The following FSIP1 variants were observed in gnomAD, a reference collection of about 807,000 sequenced individuals.
FSIP1 encodes fibrous sheath-interacting protein 1.
FSIP1 carries 65 observed loss-of-function variants against 60.9 expected under a neutral mutation model. That is an observed-to-expected ratio of 1.07 (90% CI 0.87 to 1.31). The LOEUF is 1.31. FSIP1 is among the 40% of genes most tolerant of loss of function. FSIP1 has a pLI of 0.00. For missense variants in FSIP1, 675 were observed against 665.5 expected, an observed-to-expected ratio of 1.01 and a Z score of -0.16; for synonymous variants, 209 against 221.2, an observed-to-expected ratio of 0.94 and a Z score of 0.49.
intron 10 of FSIP1, among the ~76,000 whole-genome samples, chr15:39,685,712 T>C (rs189452074): frequency 6.6e-6 from 1 of 152,044 alleles, no homozygotes; most frequent in African/African-American, 2.4e-5. Context: ...GAAAAAAAAA[T>C]TTTTATACAA....
chr15:39,607,370 T>A (rs1383319432), intron 11 of FSIP1, among the ~76,000 whole-genome samples: 1 of 152,200 alleles, frequency 6.6e-6, no homozygotes, highest in African/African-American at 2.4e-5. Flanking sequence ...CTACATTTCA[T>A]TAGCAATAAA....
In FSIP1 at chr15:39,649,020, C is replaced by A. The variant is rs138571370; in HGVS notation, c.1189-30775G>T. 6.6e-5 allele frequency among the ~76,000 whole-genome samples: 10 copies of A among 151,906 alleles called. No individual in the cohort carries two copies. The East Asian group carries it at 1.9e-3, about 29-fold the overall frequency. On this transcript the variant is annotated intron_variant, in intron 10 of 11. Transcript: ENST00000350221. Reference sequence around the variant, plus strand: ...AAAAGGAATGGAAATCTTTATCCAGCCTAAGAGTGAGTGGAAGAGAACTAA... The same window carrying A: ...AAAAGGAATGGAAATCTTTATCCAGACTAAGAGTGAGTGGAAGAGAACTAA...
At chr15:39,669,434 T>A (rs16969527) in intron 10 of FSIP1, among the ~76,000 whole-genome samples, 7,792 of 152,320 alleles carry the variant, frequency 0.051, 225 homozygotes, top group Middle Eastern at 0.088. Context: ...ACCATGACAC[T>A]GTGCTTTCTT....
chr15:39,715,490 T>C (rs544412445), intron 9 of FSIP1, among the ~76,000 whole-genome samples: 5 of 152,162 alleles, frequency 3.3e-5, no homozygotes, highest in African/African-American at 1.2e-4. Context: ...GTAATTTGGG[T>C]TTTCGAAACT....
rs138868919 is a variant in FSIP1, at chr15:39,681,134, A to C, written c.1188+32310T>G. Among the ~76,000 whole-genome samples the C allele has an allele frequency of 6.1e-3, 930 of 152,316 alleles. 12 individuals carry two copies. The highest frequency in any genetic ancestry group is 0.021 in the African/African-American group (883 of 41,578). Reference sequence around the variant, plus strand: ...ATCTTCAGGACTGTGAAGAAGAAAAAAAAAATTGCATCATAGCACAGAAAT... The same window carrying C: ...ATCTTCAGGACTGTGAAGAAGAAAACAAAAATTGCATCATAGCACAGAAAT... On this transcript the variant is annotated intron_variant, in intron 10 of 11. Transcript: ENST00000350221.
intron 10 of FSIP1, among the ~76,000 whole-genome samples, chr15:39,660,550 T>C (rs1354815301): frequency 6.6e-6 from 1 of 152,198 alleles, no homozygotes; most frequent in African/African-American, 2.4e-5. Context: ...TTCAGTAACA[T>C]TAATGCACTT....
intron 5 of FSIP1, among the ~76,000 whole-genome samples, chr15:39,763,037 G>A (rs989332571): frequency 6.6e-6 from 1 of 152,096 alleles, no homozygotes; most frequent in East Asian, 1.9e-4. Flanking sequence ...CATCTCAAAA[G>A]ATAAAGAGTA....
rs925513986 is a variant in FSIP1 at position 39,782,772 on chromosome 15, G to T, written c.-152C>A. 1.3e-5 allele frequency: 2 copies of T among 152,358 alleles called. No individual in the cohort carries two copies. Among genetic ancestry groups the T allele is most frequent in the African/African-American group, 4.8e-5 (2 of 41,446 alleles). 9.4% of individuals were successfully genotyped at this position (152,358 alleles called of 1,614,324 possible). A position where few individuals can be genotyped will look rare whatever the true frequency, so the allele number is the denominator to read the frequency against. On this transcript the variant is annotated 5_prime_UTR_variant, in exon 1 of 12. Coordinates refer to ENST00000350221, the MANE Select transcript of FSIP1 (RefSeq NM_152597.5). Reference sequence around the variant, plus strand: ...CCGCCACCTCAGCCTCTCTGGTAGTGGAAGAAGCCGCCGGTCCAGATCCCT... The same window carrying T: ...CCGCCACCTCAGCCTCTCTGGTAGTTGAAGAAGCCGCCGGTCCAGATCCCT...
chr15:39,686,856 G>A (rs1408163870), intron 10 of FSIP1, among the ~76,000 whole-genome samples: 1 of 152,194 alleles, frequency 6.6e-6, no homozygotes, highest in Non-Finnish European at 1.5e-5. Flanking sequence ...TCCCTTATTT[G>A]GAATTATGTT....
At chr15:39,628,978 A>C (rs1891762876) in intron 10 of FSIP1, among the ~76,000 whole-genome samples, 1 of 152,206 alleles carries the variant, frequency 6.6e-6, no homozygotes, top group Non-Finnish European at 1.5e-5. Flanking sequence ...TCAATGCTGG[A>C]ACATCAATAG....
At chr15:39,625,735 G>C (rs1333234435) in intron 10 of FSIP1, among the ~76,000 whole-genome samples, 1 of 152,064 alleles carries the variant, frequency 6.6e-6, no homozygotes, top group East Asian at 1.9e-4. Flanking sequence ...CAAACTCCCA[G>C]CTAAAAAAGC....
intron 9 of FSIP1, among the ~76,000 whole-genome samples, chr15:39,716,289 C>T (rs1000879904): frequency 5.9e-5 from 9 of 152,158 alleles, no homozygotes; most frequent in Admixed American, 3.3e-4. Context: ...TTTTAATAAT[C>T]TACAACTATG....
At chr15:39,606,453 C>A (rs1217021010) in intron 11 of FSIP1, among the ~76,000 whole-genome samples, 1 of 152,166 alleles carries the variant, frequency 6.6e-6, no homozygotes, top group Non-Finnish European at 1.5e-5. Flanking sequence ...TTTATCAATT[C>A]TCTGTGTTAA....
chr15:39,748,688 C>T (rs12592687), intron 5 of FSIP1, among the ~76,000 whole-genome samples: 89,206 of 151,972 alleles, frequency 0.59, 26,726 homozygotes, highest in African/African-American at 0.69. Context: ...GGGAAGTTTA[C>T]AGCAATAAAT....
intron 9 of FSIP1, among the ~76,000 whole-genome samples, chr15:39,723,944 G>A (rs747898632): frequency 1.3e-5 from 2 of 152,194 alleles, no homozygotes; most frequent in Non-Finnish European, 1.5e-5. Context: ...ATGAAGAAAT[G>A]CCAAAGGGAA....
chr15:39,660,018 G>C (rs146705367), intron 10 of FSIP1, among the ~76,000 whole-genome samples: 1 of 152,182 alleles, frequency 6.6e-6, no homozygotes, highest in East Asian at 1.9e-4. Context: ...CACAAAACCA[G>C]TACCCATCCA....
At chr15:39,606,140 T>C (rs1445643649) in intron 11 of FSIP1, among the ~76,000 whole-genome samples, 1 of 152,206 alleles carries the variant, frequency 6.6e-6, no homozygotes, top group Non-Finnish European at 1.5e-5. Flanking sequence ...GGTTTTATGT[T>C]CACAGTTTCA....
intron 8 of FSIP1, among the ~76,000 whole-genome samples, chr15:39,733,573 A>G (rs1186134852): frequency 1.3e-5 from 2 of 152,166 alleles, no homozygotes; most frequent in African/African-American, 2.4e-5. Flanking sequence ...CTACTACAAA[A>G]AAAGAGTAAG....
In FSIP1 at chr15:39,606,398, A is replaced by C. The variant is rs541193401; in HGVS notation, c.1700-5472T>G. Among the ~76,000 whole-genome samples the C allele has an allele frequency of 4.9e-4, 75 of 152,300 alleles. 1 individual carries two copies. The highest frequency in any genetic ancestry group is 3.4e-3 in the Middle Eastern group (1 of 294). ...TACACAGTGATATTTTAATACATAC[A>C]ATGTCTAGTGGTCAAATCAGGTAAA... is the stretch of plus-strand genomic sequence containing the variant. On this transcript the variant is annotated intron_variant, in intron 11 of 11. Transcript: ENST00000350221.
Sources: gnomAD v4.1 joint callset for allele counts (sites outside exome capture counted in the v4.1 genomes callset) on GRCh38, gnomAD v4.1.1 for gene constraint, MANE v1.5 for transcripts, NCBI Gene and HGNC (gene_info 2026-07-23, HGNC 2026-07-21) for gene names.